Variants in TNN observed in about 807,000 individuals in gnomAD.
TNN encodes tenascin N, also known as tenascin-N.
A neutral mutation model predicts 134.4 loss-of-function variants in TNN; 122 were observed. That is an observed-to-expected ratio of 0.91 (90% CI 0.78 to 1.06). TNN has a LOEUF of 1.06. Ranked by LOEUF, TNN falls within the 50% of genes least tolerant of loss-of-function variation. The probability of loss-of-function intolerance (pLI) is 0.00; values close to 1 mark genes in which losing one functional copy is unlikely to be tolerated. For missense variants in TNN, 1,739 were observed against 1,699.4 expected, an observed-to-expected ratio of 1.02 and a Z score of -0.41; for synonymous variants, 710 against 670.3, an observed-to-expected ratio of 1.06 and a Z score of -0.91.
intron 6 of TNN, among the ~76,000 whole-genome samples, chr1:175,086,391 C>T (rs1674324854): frequency 6.6e-6 from 1 of 152,218 alleles, no homozygotes; most frequent in African/African-American, 2.4e-5. Flanking sequence ...ACATACGAGA[C>T]ATCCTAGGTA....
chr1:175,138,665 T>G (rs1675875900), intron 17 of TNN, among the ~76,000 whole-genome samples: 1 of 152,330 alleles, frequency 6.6e-6, no homozygotes, highest in East Asian at 1.9e-4. Context: ...CTGTCACTTC[T>G]TTCCTAAGTA....
rs945452578 is a variant in TNN, at chr1:175,101,953, A to G, written c.2119+3358A>G. Among the ~76,000 whole-genome samples the G allele has an allele frequency of 2.1e-5, 3 of 141,366 alleles. 1 individual carries two copies. The Admixed American group carries it at 2.1e-4, about 10-fold the overall frequency. The allele number at this position is 141,366 out of a possible 152,430, so 92.7% of individuals were successfully genotyped here. Reference sequence around the variant, plus strand: ...TATTAACAATCCTTGAGCTAGACATAAAGGTCCTCCACGTCCTCATCAGAG... The same window carrying G: ...TATTAACAATCCTTGAGCTAGACATGAAGGTCCTCCACGTCCTCATCAGAG... On this transcript the variant is annotated intron_variant, in intron 9 of 18. Transcript: ENST00000239462.
chr1:175,118,869 G>A (rs374063675), intron 11 of TNN, 45 bp downstream of exon 11: 5 of 1,608,010 alleles, frequency 3.1e-6, no homozygotes, highest in Non-Finnish European at 4.2e-6. Context: ...GTAGCTGCAG[G>A]TTGATCTATT....
rs1674863486 is a variant in TNN at position 175,106,716 on chromosome 1, G to A, written c.2119+8121G>A. Among the ~76,000 whole-genome samples, 10 of 146,110 alleles carry A rather than the reference G, an allele frequency of 6.8e-5. 3 individuals are homozygous for A. Among genetic ancestry groups the A allele is most frequent in the Admixed American group, 5.5e-4 (8 of 14,626 alleles). On this transcript the variant is annotated intron_variant, in intron 9 of 18. Coordinates refer to ENST00000239462, the MANE Select transcript of TNN (RefSeq NM_022093.2). ...ACATGCTTTTGAGAGTTCCACTCAT[G>A]GCCGCAGGGTCAACCAACATGTTGT...
At chr1:175,076,434 C>T (rs1674041239) in intron 1 of TNN, among the ~76,000 whole-genome samples, 1 of 152,210 alleles carries the variant, frequency 6.6e-6, no homozygotes. Flanking sequence ...CGGCCTAAGA[C>T]AAGCTGCATA....
rs1311395897 is a variant in TNN, at chr1:175,125,705, CTTTCTTTCT to C, written c.2915-1247_2915-1239del. Among the ~76,000 whole-genome samples, 2 of 7,518 alleles carry C rather than the reference CTTTCTTTCT, an allele frequency of 2.7e-4. 1 individual carries two copies. Among genetic ancestry groups the C allele is most frequent in the African/African-American group, 1.3e-3 (2 of 1,524 alleles). 4.9% of individuals were successfully genotyped at this position (7,518 alleles called of 152,430 possible). A position where few individuals can be genotyped will look rare whatever the true frequency, so the allele number is the denominator to read the frequency against. ...TCCTTTCTTTCTCTCTTTTTTCTCT[CTTTCTTTCT>C]TTCTTTCTTTCTTTCTTTCTTTCTT... On this transcript the variant is annotated intron_variant, in intron 12 of 18. Transcript: ENST00000239462.
intron 7 of TNN, 124 bp downstream of exon 7, chr1:175,094,377 C>A: frequency 1.1e-6 from 1 of 904,544 alleles, no homozygotes; most frequent in Non-Finnish European, 1.5e-6. Flanking sequence ...GAGGAGGTTG[C>A]AAAACCAATT....
intron 1 of TNN, among the ~76,000 whole-genome samples, chr1:175,074,120 G>C (rs1673982623): frequency 6.6e-6 from 1 of 152,012 alleles, no homozygotes; most frequent in Non-Finnish European, 1.5e-5. Flanking sequence ...CTCTTTGCCT[G>C]CCACCCCCAC....
chr1:175,103,987 AC>A (rs1417253035), intron 9 of TNN, among the ~76,000 whole-genome samples: 1 of 145,858 alleles, frequency 6.9e-6, no homozygotes, highest in Non-Finnish European at 1.5e-5. Context: ...GTAGGGGACA[AC>A]AAATGGGTAA....
intron 1 of TNN, among the ~76,000 whole-genome samples, chr1:175,068,736 G>A (rs539409489): frequency 1.2e-4 from 19 of 152,042 alleles, no homozygotes; most frequent in African/African-American, 2.9e-4. Flanking sequence ...GAGAAACTCC[G>A]TCTCTACTAA....
At chr1:175,143,585 T>C (rs927251095) in intron 17 of TNN, among the ~76,000 whole-genome samples, 3 of 151,876 alleles carry the variant, frequency 2.0e-5, no homozygotes, top group Non-Finnish European at 4.4e-5. Flanking sequence ...TCTTTAGAAG[T>C]GGCCTTGAGC....
chr1:175,093,249 G>T (rs1279810851), intron 6 of TNN, among the ~76,000 whole-genome samples: 2 of 152,184 alleles, frequency 1.3e-5, no homozygotes, highest in African/African-American at 4.8e-5. Context: ...AGGACCTTGG[G>T]TTAGCAGGGA....
Position 175,077,847 on chromosome 1 carries a change from T to C in TNN, c.409+20T>C. On this transcript the variant is annotated intron_variant, in intron 2 of 18. Transcript: ENST00000239462. Reference sequence around the variant, plus strand: ...TCACTGGTGAGCTCACCACCTGGTATTCATTCAACAAACATTTGATGAGCA... The same window carrying C: ...TCACTGGTGAGCTCACCACCTGGTACTCATTCAACAAACATTTGATGAGCA... The C allele has an allele frequency of 6.3e-7, 1 of 1,598,458 alleles. No individual in the cohort carries two copies. Among genetic ancestry groups the C allele is most frequent in the Non-Finnish European group, 8.6e-7 (1 of 1,168,614 alleles).
chr1:175,142,363 C>T (rs757688594), intron 17 of TNN, among the ~76,000 whole-genome samples: 6 of 152,218 alleles, frequency 3.9e-5, no homozygotes, highest in African/African-American at 1.2e-4. Context: ...ATTCACCCCA[C>T]CCACTCCAAA....
At chr1:175,108,805 A>C (rs2149436318) in intron 9 of TNN, among the ~76,000 whole-genome samples, 1 of 146,544 alleles carries the variant, frequency 6.8e-6, no homozygotes, top group East Asian at 2.0e-4. Flanking sequence ...GCCCGCAAGC[A>C]CCATGTGCAG....
intron 6 of TNN, among the ~76,000 whole-genome samples, chr1:175,093,551 C>A (rs1248476134): frequency 6.6e-6 from 1 of 150,574 alleles, no homozygotes; most frequent in Non-Finnish European, 1.5e-5. Context: ...ATAAAAGTGC[C>A]AGGCCTGGAA....
At chr1:175,095,936 G>A (rs1022318280) in intron 7 of TNN, among the ~76,000 whole-genome samples, 2 of 152,346 alleles carry the variant, frequency 1.3e-5, no homozygotes, top group African/African-American at 4.8e-5. Flanking sequence ...GGCGGTGGTG[G>A]TGTGAGCAGC....
Position 175,094,161 on chromosome 1 carries a change from C to T in TNN, c.1496C>T (p.Thr499Met), listed in dbSNP as rs17374761. 8.1e-5 allele frequency: 130 copies of T among 1,614,086 alleles called. No individual in the cohort carries two copies. The highest frequency in any genetic ancestry group is 3.0e-4 in the South Asian group (27 of 91,070). Residue 499 changes from threonine (T) to methionine (M), a missense_variant, in exon 7 of 19, where the codon ACG becomes ATG. Physicochemically the swap from Thr to Met is moderately conservative, Grantham distance 81. Coordinates refer to ENST00000239462, the MANE Select transcript of TNN (RefSeq NM_022093.2). ...AAGGATGAGAGCAGCACTGTCCTGACGGGCCTGAAGCCAGGAGAGGCATAC... is the reference window on the plus strand; with the variant it reads ...AAGGATGAGAGCAGCACTGTCCTGATGGGCCTGAAGCCAGGAGAGGCATAC... ...VHKDESSTVL[T>M]GLKPGEAYKV...
At chr1:175,108,549 C>G (rs186136161) in intron 9 of TNN, among the ~76,000 whole-genome samples, 1 of 152,226 alleles carries the variant, frequency 6.6e-6, no homozygotes, top group African/African-American at 2.4e-5. Flanking sequence ...CAGGAACCCA[C>G]GGAGGCAGGG....
Sources: gnomAD v4.1 joint callset for allele counts (sites outside exome capture counted in the v4.1 genomes callset) on GRCh38, gnomAD v4.1.1 for gene constraint, MANE v1.5 for transcripts, NCBI Gene and HGNC (gene_info 2026-07-23, HGNC 2026-07-21) for gene names.